The following ZNF195 variants were observed in gnomAD, a reference collection of about 807,000 sequenced individuals.
ZNF195 encodes the protein zinc finger protein 195, also known as hypoxia-regulated factor-1.
Under a neutral mutation model 19.5 loss-of-function variants are expected in ZNF195, and 11 were observed. The ratio of observed to expected loss-of-function variants is 0.57; its 90% CI spans 0.36 to 0.94. The LOEUF (loss-of-function observed/expected upper bound fraction) is 0.94. Ranked by LOEUF, ZNF195 falls within the 40% of genes least tolerant of loss-of-function variation. The pLI, the probability that ZNF195 is intolerant of heterozygous loss-of-function variation, is 0.01. For synonymous variants in ZNF195, 214 were observed against 248.1 expected (o/e 0.86, Z 1.29); for missense variants, 582 against 709.0 (o/e 0.82, Z 2.03).
chr11:3,374,335 C>G lies in ZNF195; in HGVS notation c.4-2632G>C, dbSNP rs114336301. 6.3e-3 allele frequency among the ~76,000 whole-genome samples: 952 copies of G among 152,318 alleles called. 11 individuals carry two copies. The highest frequency in any genetic ancestry group is 0.022 in the African/African-American group (914 of 41,556). On this transcript the variant is annotated intron_variant, in intron 1 of 5. Transcript: ENST00000399602. ...CCCAAGACTTGTGATCATTAACACT[C>G]AGCTAAAGAAAGCAGCCCCAGCACA...
Position 3,360,351 on chromosome 11 carries a change from A to G in ZNF195, c.657T>C (p.Asn219=), listed in dbSNP as rs1281441094. 5 of 1,602,430 alleles carry G rather than the reference A, an allele frequency of 3.1e-6. No individual in the cohort carries two copies. The African/African-American group carries it at 6.7e-5, about 22-fold the overall frequency. ...AGTTATCAAAGATTTTAACATATTT[A>G]TTATATTGAAAGATTTTGCTATGGG... ...STTHSKIFQY[N]KYVKIFDNFS... The change falls in exon 6 of 6, where the codon AAT becomes AAC. Residue 219 remains asparagine (N), a synonymous_variant. Transcript: ENST00000399602.
rs752908126 is a variant in ZNF195, at chr11:3,360,312, A to G, written c.696T>C (p.His232=). The G allele has an allele frequency of 6.2e-7, 1 of 1,604,706 alleles. No homozygotes were observed. Among genetic ancestry groups the G allele is most frequent in the South Asian group, 1.1e-5 (1 of 89,848 alleles). ...VKIFDNFSNL[H]RRNISNTGEK... Reference sequence around the variant, plus strand: ...CTCCAGTATTACTTATATTACGTCTATGTAAATTTGAAAAGTTATCAAAGA... The same window carrying G: ...CTCCAGTATTACTTATATTACGTCTGTGTAAATTTGAAAAGTTATCAAAGA... Residue 232 remains histidine, a synonymous_variant, in exon 6 of 6, where the codon CAT becomes CAC. Transcript: ENST00000399602.
chr11:3,378,167 G>A (rs1056835283), intron 1 of ZNF195, among the ~76,000 whole-genome samples: 2 of 152,002 alleles, frequency 1.3e-5, no homozygotes, highest in South Asian at 2.1e-4. Context: ...AAAATTAGCC[G>A]GGCGTGGTGG....
intron 3 of ZNF195, chr11:3,366,775 C>A: frequency 3.4e-6 from 1 of 296,020 alleles, no homozygotes; most frequent in South Asian, 2.6e-5. Flanking sequence ...ATAGCATAGG[C>A]CGGGCACACT....
chr11:3,362,035 G>C, intron 3 of ZNF195, 146 bp from the exon 4 acceptor site: 1 of 447,546 alleles, frequency 2.2e-6, no homozygotes, highest in South Asian at 1.6e-5. Context: ...CTTCCAGCCT[G>C]AGTGACAGAA....
At chr11:3,362,009 C>T (rs773666571) in intron 3 of ZNF195, 120 bp from the exon 4 acceptor site, 33 of 446,612 alleles carry the variant, frequency 7.4e-5, no homozygotes, top group African/African-American at 4.2e-4. Flanking sequence ...CAGTGAGCCA[C>T]GATCACACCA....
At chr11:3,373,663 C>A (rs1326800365) in intron 1 of ZNF195, 10 of 1,544,454 alleles carry the variant, frequency 6.5e-6, no homozygotes, top group Non-Finnish European at 8.7e-6. Context: ...ACACCTGCAT[C>A]GTGAGAATAT....
chr11:3,367,184 T>G, intron 3 of ZNF195: 2 of 255,628 alleles, frequency 7.8e-6, no homozygotes, highest in South Asian at 7.0e-5. Flanking sequence ...TTAGAAGAGA[T>G]ATTTGCACAC....
Position 3,360,796 on chromosome 11 carries a change from C to A in ZNF195, c.374-8G>T, listed in dbSNP as rs1226870972. The A allele has an allele frequency of 1.9e-6, 3 of 1,550,236 alleles. No individual in the cohort carries two copies. Among genetic ancestry groups the A allele is most frequent in the Non-Finnish European group, 2.6e-6 (3 of 1,146,436 alleles). On this transcript the variant is annotated splice_polypyrimidine_tract_variant and splice_region_variant and intron_variant, in intron 4 of 5. Transcript: ENST00000399602. ...CCCCAGGTGAGCACAGTGCTAGGAG[C>A]CAGATAAGAAGAAAAACAGTCTGTT...
chr11:3,362,764 A>G (rs1333895326), intron 3 of ZNF195: 2 of 334,870 alleles, frequency 6.0e-6, no homozygotes, highest in Non-Finnish European at 1.1e-5. Flanking sequence ...TTATTTAGGA[A>G]CTAAACTACT....
chr11:3,378,738 T>C (rs1406935992), intron 1 of ZNF195, among the ~76,000 whole-genome samples: 1 of 152,248 alleles, frequency 6.6e-6, no homozygotes, highest in African/African-American at 2.4e-5. Context: ...CCCCACGGGC[T>C]ACAGATCATC....
At chr11:3,377,250 C>T (rs1482718346) in intron 1 of ZNF195, among the ~76,000 whole-genome samples, 1 of 152,148 alleles carries the variant, frequency 6.6e-6, no homozygotes, top group Non-Finnish European at 1.5e-5. Flanking sequence ...GTGGCAGTGC[C>T]GACTGGAACA....
rs1222398145 is a variant in ZNF195 at position 3,358,117 on chromosome 11, C to T, written c.*1001G>A. The T allele has an allele frequency of 1.3e-5, 2 of 151,998 alleles. No homozygotes were observed. The highest frequency in any genetic ancestry group is 2.9e-5 in the Non-Finnish European group (2 of 68,042). 9.4% of individuals were successfully genotyped at this position (151,998 alleles called of 1,614,324 possible). A position where few individuals can be genotyped will look rare whatever the true frequency, so the allele number is the denominator to read the frequency against. On this transcript the variant is annotated 3_prime_UTR_variant, in exon 6 of 6. Coordinates refer to ENST00000399602, the MANE Select transcript of ZNF195 (RefSeq NM_001130520.3). The stretch of plus-strand genomic sequence containing the variant: ...GAGGGTGCAGGTGTCTTGTCTGCAT[C>T]CTGGAGATGTTTTTTGCCAGCTTTG...
intron 3 of ZNF195, chr11:3,369,370 A>G (rs573212054): frequency 3.4e-6 from 1 of 290,196 alleles, no homozygotes; most frequent in East Asian, 1.0e-4. Flanking sequence ...GCAACGCAGC[A>G]ATCACACTTC....
At position 3,358,364 on chromosome 11, in the gene ZNF195, G is replaced by A. The variant is rs1440232891; in HGVS notation, c.*754C>T. Reference sequence around the variant, plus strand: ...CACCTATCTCATAAATCACTTACAAGTATATAAAACAACCACAAAGAGCCT... The same window carrying A: ...CACCTATCTCATAAATCACTTACAAATATATAAAACAACCACAAAGAGCCT... On this transcript the variant is annotated 3_prime_UTR_variant, in exon 6 of 6. Transcript: ENST00000399602. The A allele has an allele frequency of 6.6e-6, 1 of 152,142 alleles. No homozygotes were observed. The highest frequency in any genetic ancestry group is 1.5e-5 in the Non-Finnish European group (1 of 68,034). The allele number at this position is 152,142 out of a possible 1,614,324, so 9.4% of individuals were successfully genotyped here.
At chr11:3,361,148 C>A (rs1160146809) in intron 4 of ZNF195, among the ~76,000 whole-genome samples, 1 of 152,176 alleles carries the variant, frequency 6.6e-6, no homozygotes, top group African/African-American at 2.4e-5. Context: ...AGCTGAGAAA[C>A]CCTCTTTAAA....
intron 1 of ZNF195, chr11:3,373,656 C>T: frequency 6.5e-7 from 1 of 1,546,840 alleles, no homozygotes; most frequent in Non-Finnish European, 8.7e-7. Context: ...ACAAATCACA[C>T]CTGCATCGTG....
At chr11:3,361,135 G>A (rs530707567) in intron 4 of ZNF195, among the ~76,000 whole-genome samples, 13 of 151,768 alleles carry the variant, frequency 8.6e-5, no homozygotes, top group Admixed American at 3.3e-4. Flanking sequence ...GCACTACAAA[G>A]AAAGCTGAGA....
Position 3,359,961 on chromosome 11 carries a change from A to G in ZNF195, c.1047T>C (p.Thr349=). 6.2e-7 allele frequency: 1 copy of G among 1,614,204 alleles called. No homozygotes were observed. Among genetic ancestry groups the G allele is most frequent in the Non-Finnish European group, 8.5e-7 (1 of 1,180,050 alleles). ...CSHLTEHEHG[T]EEKPCKYEEC... is the part of the protein sequence containing the mutation. ...CTTCATATTTGCAGGGTTTTTCCTC[A>G]GTACCATGCTCATGTTCAGTAAGGT... Residue 349 remains threonine (T), a synonymous_variant, in exon 6 of 6, where the codon ACT becomes ACC. Transcript: ENST00000399602. This position sits in a 1 kb window ranked among gnomAD's most constrained non-coding sequence, Gnocchi z 5.5.
Sources: allele counts gnomAD v4.1 joint callset (sites outside exome capture counted in the v4.1 genomes callset), GRCh38; gene constraint gnomAD v4.1.1; non-coding constraint Gnocchi (gnomAD v3.1); transcripts MANE v1.5; gene names NCBI Gene and HGNC (gene_info 2026-07-23, HGNC 2026-07-21).